UBE2D2: variants seen among roughly 807,000 people sequenced by gnomAD.
UBE2D2 encodes the protein ubiquitin conjugating enzyme E2 D2, also known as ubiquitin-conjugating enzyme E2 D2.
A neutral mutation model predicts 24.2 loss-of-function variants in UBE2D2; 2 were observed. The ratio of observed to expected loss-of-function variants is 0.08; its 90% CI spans 0.03 to 0.26. The LOEUF (loss-of-function observed/expected upper bound fraction) is 0.26. Among genes scored for constraint, UBE2D2 ranks in the 10% least tolerant of loss-of-function variants. The pLI is 1.00. For missense variants in UBE2D2, 44 were observed against 177.6 expected, an observed-to-expected ratio of 0.25 and a Z score of 4.28; for synonymous variants, 58 against 56.5, an observed-to-expected ratio of 1.03 and a Z score of -0.12.
At chr5:139,557,436 C>CA (rs1051466873), upstream of UBE2D2, among the ~76,000 whole-genome samples, 9 of 151,656 alleles carry the variant, frequency 5.9e-5, no homozygotes, top group Non-Finnish European at 1.2e-4. Flanking sequence ...GAAGATATTA[C>CA]AAAAAAAGAA....
At chr5:139,526,671 C>T (rs1323011160) in intron 1 of UBE2D2, 1 of 152,172 alleles carries the variant, frequency 6.6e-6, no homozygotes, top group East Asian at 1.9e-4. Context: ...GGCCTGATCA[C>T]CCACGGTGTG....
intron 1 of UBE2D2, among the ~76,000 whole-genome samples, chr5:139,581,809 C>T (rs571534471): frequency 6.6e-6 from 1 of 152,114 alleles, no homozygotes; most frequent in South Asian, 2.1e-4. Context: ...GCTGGGATTA[C>T]AGGCGCGCGC....
At chr5:139,541,545 A>T (rs1752761779) in intron 1 of UBE2D2, among the ~76,000 whole-genome samples, 1 of 145,950 alleles carries the variant, frequency 6.9e-6, no homozygotes, top group South Asian at 2.2e-4. Flanking sequence ...GGTTGCAGTG[A>T]GCCAAGATCG....
intron 1 of UBE2D2, among the ~76,000 whole-genome samples, chr5:139,555,386 CATTATTTGAAAATTATTTGAA>C (rs1752967138): frequency 6.6e-6 from 1 of 151,866 alleles, no homozygotes; most frequent in African/African-American, 2.4e-5. Context: ...ATAATTTTAA[CATTATTTGAAAATTATTTGAA>C]ATTATTTGAA....
chr5:139,536,333 G>C (rs1291764386), intron 1 of UBE2D2, among the ~76,000 whole-genome samples: 1 of 150,958 alleles, frequency 6.6e-6, no homozygotes, highest in Non-Finnish European at 1.5e-5. Flanking sequence ...TCCCGACCTT[G>C]AGTGATCCGC....
intron 1 of UBE2D2, among the ~76,000 whole-genome samples, chr5:139,547,538 T>C (rs560209271): frequency 1.4e-4 from 21 of 149,718 alleles, no homozygotes; most frequent in Admixed American, 1.3e-3. Context: ...TGAGATGGAG[T>C]CTTGCCTGTC....
At chr5:139,609,931 C>T (rs1303350993) in intron 2 of UBE2D2, among the ~76,000 whole-genome samples, 2 of 151,558 alleles carry the variant, frequency 1.3e-5, no homozygotes, top group African/African-American at 4.8e-5. Flanking sequence ...GCCACTACGC[C>T]CAGCTAATTT....
At chr5:139,544,132 G>A (rs1487774303) in intron 1 of UBE2D2, among the ~76,000 whole-genome samples, 1 of 150,960 alleles carries the variant, frequency 6.6e-6, no homozygotes, top group East Asian at 1.9e-4. Flanking sequence ...TGTTAAAAAT[G>A]TGTTACTCAT....
rs1752862553 is a variant in UBE2D2 at position 139,548,193 on chromosome 5, A to AAT, written c.-64+21582_-64+21583insTA. ...AAAAAAAAAAAAAAAATAAAAAAAA[A>AAT]AAATAAATAAATAAATAAATAAACG... On this transcript the variant is annotated intron_variant, in intron 1 of 6. Coordinates refer to the UBE2D2 transcript ENST00000511725. 1.0e-3 allele frequency among the ~76,000 whole-genome samples: 49 copies of AAT among 47,050 alleles called. 2 individuals are homozygous for AAT. The highest frequency in any genetic ancestry group is 5.3e-3 in the East Asian group (8 of 1,518). 30.9% of individuals were successfully genotyped at this position (47,050 alleles called of 152,430 possible).
rs187169279 is a variant in UBE2D2 at position 139,542,165 on chromosome 5, C to T, written c.-64+15553C>T. 5.9e-5 allele frequency among the ~76,000 whole-genome samples: 9 copies of T among 152,148 alleles called. No individual in the cohort carries two copies. The East Asian group carries it at 1.4e-3, about 23-fold the overall frequency. ...TGGTGTCACTGCATTCCACCCTGGG[C>T]GACAGAGCGAGACTCCATCTCAACA... On this transcript the variant is annotated intron_variant, in intron 1 of 6. Transcript: ENST00000511725.
At chr5:139,532,251 T>C (rs1366297544) in intron 1 of UBE2D2, among the ~76,000 whole-genome samples, 2 of 151,220 alleles carry the variant, frequency 1.3e-5, no homozygotes, top group South Asian at 4.2e-4. Flanking sequence ...CTCGGCTCAC[T>C]GCAATCGACC....
Position 139,616,749 on chromosome 5 carries a change from T to C in UBE2D2, c.304+1783T>C, listed in dbSNP as rs566720340. 5.3e-5 allele frequency among the ~76,000 whole-genome samples: 8 copies of C among 152,362 alleles called. 1 individual carries two copies. In the East Asian group the frequency reaches 1.5e-3, roughly 29 times the overall value. ...CCCAATAATTCTAGTTTCATTTATT[T>C]ATACTAAGAAAACAATCCCAAATGC... On this transcript the variant is annotated intron_variant, in intron 5 of 6. Coordinates refer to ENST00000398733, the MANE Select transcript of UBE2D2 (RefSeq NM_003339.3).
intron 2 of UBE2D2, among the ~76,000 whole-genome samples, chr5:139,609,771 GT>G (rs1015452041): frequency 7.4e-6 from 1 of 134,620 alleles, no homozygotes; most frequent in African/African-American, 2.7e-5. Flanking sequence ...TTCTTTTTTT[GT>G]TTTTTTGTTT....
At chr5:139,579,806 G>A (rs1192963636) in intron 1 of UBE2D2, among the ~76,000 whole-genome samples, 1 of 151,988 alleles carries the variant, frequency 6.6e-6, no homozygotes, top group Non-Finnish European at 1.5e-5. Flanking sequence ...CCAGCACTTT[G>A]GAAGGCCGCG....
intron 1 of UBE2D2, among the ~76,000 whole-genome samples, chr5:139,580,262 A>G (rs1206206851): frequency 2.0e-5 from 3 of 151,902 alleles, no homozygotes; most frequent in Non-Finnish European, 4.4e-5. Flanking sequence ...GTGGGGTTAC[A>G]TCATGTTGCC....
At chr5:139,560,417 C>T (rs1225602074), upstream of UBE2D2, among the ~76,000 whole-genome samples, 1 of 152,042 alleles carries the variant, frequency 6.6e-6, no homozygotes, top group African/African-American at 2.4e-5. Flanking sequence ...AGGCTGGTCT[C>T]GAATTCCTGA....
chr5:139,606,212 A>T (rs984699332), intron 2 of UBE2D2, among the ~76,000 whole-genome samples: 2 of 152,020 alleles, frequency 1.3e-5, no homozygotes, highest in Non-Finnish European at 2.9e-5. Context: ...CCCGGGCTGG[A>T]GTGCAGTGGC....
At chr5:139,610,208 C>T (rs1241061258) in intron 2 of UBE2D2, among the ~76,000 whole-genome samples, 3 of 152,024 alleles carry the variant, frequency 2.0e-5, no homozygotes, top group African/African-American at 4.8e-5. Context: ...AAGAGTCTAC[C>T]ATACGATAAA....
intron 1 of UBE2D2, among the ~76,000 whole-genome samples, chr5:139,575,431 C>G (rs1469240647): frequency 6.6e-6 from 1 of 151,758 alleles, no homozygotes; most frequent in African/African-American, 2.4e-5. Flanking sequence ...ATCGTCACCC[C>G]AAGCAAAAAA....
Sources: gnomAD v4.1 joint callset for allele counts (sites outside exome capture counted in the v4.1 genomes callset) on GRCh38, gnomAD v4.1.1 for gene constraint, MANE v1.5 for transcripts, NCBI Gene and HGNC (gene_info 2026-07-23, HGNC 2026-07-21) for gene names.